ASB4: variants seen among roughly 807,000 people sequenced by gnomAD.
ASB4 encodes ankyrin repeat and SOCS box containing 4, also known as ankyrin repeat and SOCS box protein 4.
Under a neutral mutation model 38.6 loss-of-function variants are expected in ASB4, and 35 were observed. The ratio of observed to expected loss-of-function variants is 0.91; its 90% CI spans 0.69 to 1.20. The LOEUF (loss-of-function observed/expected upper bound fraction) is 1.20, where lower values mean the gene tolerates loss of function less well. Among genes scored for constraint, ASB4 ranks in the 50% most tolerant of loss-of-function variants. ASB4 has a pLI of 0.00. For synonymous variants in ASB4, 195 were observed against 201.3 expected (o/e 0.97, Z 0.26); for missense variants, 557 against 527.2 (o/e 1.06, Z -0.55).
At chr7:95,499,218 T>C (rs1790295651) in intron 2 of ASB4, among the ~76,000 whole-genome samples, 1 of 152,162 alleles carries the variant, frequency 6.6e-6, no homozygotes, top group Non-Finnish European at 1.5e-5. Flanking sequence ...ATTTCAGAAT[T>C]GTTGGCCTAT....
chr7:95,547,435 T>A, the ASB4 span, among the ~76,000 whole-genome samples: 1 of 152,234 alleles, frequency 6.6e-6, no homozygotes, highest in African/African-American at 2.4e-5. Context: ...TAACATAATA[T>A]TTTGGAGATT....
Position 95,495,760 on chromosome 7 carries a change from T to A in ASB4, c.190T>A (p.Tyr64Asn). The A allele has an allele frequency of 6.3e-7, 1 of 1,584,024 alleles. No homozygotes were observed. The highest frequency in any genetic ancestry group is 8.6e-7 in the Non-Finnish European group (1 of 1,163,328). Residue 64 changes from tyrosine to asparagine, a missense_variant and splice_region_variant, in exon 2 of 5, where the codon TAC becomes AAC. Transcript: ENST00000325885. ...NMVLASYKQG[Y>N]WLPSYKLKSS... Reference sequence around the variant, plus strand: ...TTCCTTTTTTTTTTTTTTTTCAGGTTACTGGTTGCCTAGCTATAAATTGAA... The same window carrying A: ...TTCCTTTTTTTTTTTTTTTTCAGGTAACTGGTTGCCTAGCTATAAATTGAA...
rs185074323 is a variant in ASB4, at chr7:95,492,596, T to C, written c.188-3162T>C. Among the ~76,000 whole-genome samples the C allele has an allele frequency of 7.2e-3, 1,093 of 152,322 alleles. 16 individuals are homozygous for C. Among genetic ancestry groups the C allele is most frequent in the Middle Eastern group, 0.01 (3 of 294 alleles). ...TCTTCCCTCCAGCGCTAACATTCTG[T>C]GTTTCTTTGATTTTACATCAAAATG... On this transcript the variant is annotated intron_variant, in intron 1 of 4. Coordinates refer to ENST00000325885, the MANE Select transcript of ASB4 (RefSeq NM_016116.3).
At chr7:95,521,761 T>C (rs1790665333) in intron 2 of ASB4, among the ~76,000 whole-genome samples, 1 of 151,120 alleles carries the variant, frequency 6.6e-6, no homozygotes, top group East Asian at 1.9e-4. Flanking sequence ...TGAGATACAA[T>C]GTACGTAGTT....
intron 2 of ASB4, among the ~76,000 whole-genome samples, chr7:95,521,536 C>A (rs1159803602): frequency 6.6e-6 from 1 of 151,804 alleles, no homozygotes; most frequent in Non-Finnish European, 1.5e-5. Context: ...ACATTACTTC[C>A]CAGTAATTCT....
chr7:95,485,877 T>A, upstream of ASB4: 1 of 1,083,428 alleles, frequency 9.2e-7, no homozygotes, highest in Non-Finnish European at 1.3e-6. Flanking sequence ...TGGGATAAAA[T>A]TAGCCGACAG....
intron 2 of ASB4, among the ~76,000 whole-genome samples, chr7:95,503,641 A>G (rs1790370172): frequency 6.6e-6 from 1 of 152,198 alleles, no homozygotes; most frequent in Admixed American, 6.5e-5. Flanking sequence ...CTGGGGGAGA[A>G]CTCAAATACA....
At chr7:95,492,245 A>G (rs896662327) in intron 1 of ASB4, among the ~76,000 whole-genome samples, 6 of 152,180 alleles carry the variant, frequency 3.9e-5, no homozygotes, top group African/African-American at 1.4e-4. Flanking sequence ...AGGATGACTG[A>G]CTCACATAAT....
At chr7:95,527,285 T>C (rs1188512960) in intron 2 of ASB4, among the ~76,000 whole-genome samples, 1 of 152,140 alleles carries the variant, frequency 6.6e-6, no homozygotes, top group Non-Finnish European at 1.5e-5. Context: ...ATACTGCAAT[T>C]TCAGTCAAAG....
chr7:95,487,380 C>CA (rs1790107416), intron 1 of ASB4, among the ~76,000 whole-genome samples: 1 of 152,050 alleles, frequency 6.6e-6, no homozygotes, highest in Non-Finnish European at 1.5e-5. Context: ...TAATTTTGTT[C>CA]AGTGATAGAA....
Position 95,538,713 on chromosome 7 carries a change from CT to C in ASB4, c.*957del. On this transcript the variant is annotated 3_prime_UTR_variant, in exon 5 of 5. Transcript: ENST00000325885. ...TATGGTTTCTTGGTTAGTATTAATA[CT>C]TTCCCAGACTCCTTGAGAAAAATAT... The C allele has an allele frequency of 6.6e-6, 1 of 152,172 alleles. No individual in the cohort carries two copies. The highest frequency in any genetic ancestry group is 1.9e-4 in the East Asian group (1 of 5,174). 9.4% of individuals were successfully genotyped at this position (152,172 alleles called of 1,614,324 possible).
intron 2 of ASB4, among the ~76,000 whole-genome samples, chr7:95,502,212 AT>A (rs1238458069): frequency 6.6e-6 from 1 of 152,192 alleles, no homozygotes; most frequent in African/African-American, 2.4e-5. Context: ...CAGCAAATAA[AT>A]ATATGACATA....
Position 95,495,785 on chromosome 7 carries a change from A to G in ASB4, c.215A>G (p.Lys72Arg), listed in dbSNP as rs753118507. The change falls in exon 2 of 5, where the codon AAG (lysine) becomes AGG (arginine). Residue 72 changes from lysine to arginine, a missense_variant. Transcript: ENST00000325885. ...QGYWLPSYKL[K>R]SSWATGLHLS... ...TACTGGTTGCCTAGCTATAAATTGA[A>G]GTCTTCCTGGGCCACAGGCCTCCAT... The G allele has an allele frequency of 1.2e-6, 2 of 1,607,042 alleles. No individual in the cohort carries two copies. The highest frequency in any genetic ancestry group is 1.7e-6 in the Non-Finnish European group (2 of 1,176,686).
intron 3 of ASB4, among the ~76,000 whole-genome samples, chr7:95,531,977 G>T (rs569428718): frequency 6.6e-6 from 1 of 152,234 alleles, no homozygotes; most frequent in South Asian, 2.1e-4. Flanking sequence ...GGATAGAGTT[G>T]GCTACTGGTA....
At chr7:95,541,906 G>A (rs976629198), downstream of ASB4, among the ~76,000 whole-genome samples, 1 of 151,978 alleles carries the variant, frequency 6.6e-6, no homozygotes, top group African/African-American at 2.4e-5. Context: ...TGACATGCAA[G>A]AATTTATTCT....
chr7:95,504,312 C>T (rs1367656406), intron 2 of ASB4, among the ~76,000 whole-genome samples: 1 of 152,078 alleles, frequency 6.6e-6, no homozygotes, highest in Non-Finnish European at 1.5e-5. Context: ...TTTTAAAAGA[C>T]TGTTCCCTGC....
intron 2 of ASB4, among the ~76,000 whole-genome samples, chr7:95,509,498 T>G (rs1189607270): frequency 6.6e-6 from 1 of 152,200 alleles, no homozygotes; most frequent in Non-Finnish European, 1.5e-5. Flanking sequence ...AAGCTCTGCA[T>G]ACTGAAAAGG....
intron 2 of ASB4, among the ~76,000 whole-genome samples, chr7:95,527,092 T>C (rs1790746943): frequency 6.6e-6 from 1 of 152,224 alleles, no homozygotes; most frequent in Non-Finnish European, 1.5e-5. Context: ...TTTCTCTCTT[T>C]CAATGAATAT....
chr7:95,485,058 A>ATATATATGTGTATATATGTG (rs1351640841), upstream of ASB4, among the ~76,000 whole-genome samples: 4 of 124,574 alleles, frequency 3.2e-5, no homozygotes, highest in African/African-American at 1.3e-4. Flanking sequence ...GTATATATGT[A>ATATATATGTGTATATATGTG]TATATATGTA....
Sources: allele counts gnomAD v4.1 joint callset (sites outside exome capture counted in the v4.1 genomes callset), GRCh38; gene constraint gnomAD v4.1.1; transcripts MANE v1.5; gene names NCBI Gene and HGNC (gene_info 2026-07-23, HGNC 2026-07-21).